TBC1D31: variants seen among roughly 807,000 people sequenced by gnomAD.
TBC1D31 encodes the protein WD repeat domain 67.
In TBC1D31, 99 loss-of-function variants were observed where a neutral mutation model predicts 132.9. The ratio of observed to expected loss-of-function variants is 0.74; its 90% CI spans 0.63 to 0.88. The LOEUF (loss-of-function observed/expected upper bound fraction) is 0.88, where lower values mean the gene tolerates loss of function less well. Ranked by LOEUF, TBC1D31 falls within the 40% of genes least tolerant of loss-of-function variation. The pLI, the probability that TBC1D31 is intolerant of heterozygous loss-of-function variation, is 0.00. For missense variants in TBC1D31, 1,134 were observed against 1,256.6 expected (o/e 0.90, Z 1.48); for synonymous variants, 385 against 419.4 (o/e 0.92, Z 1.00).
At chr8:123,116,506 T>C (rs184645984) in intron 10 of TBC1D31, among the ~76,000 whole-genome samples, 15 of 152,290 alleles carry the variant, frequency 9.8e-5, no homozygotes, top group Non-Finnish European at 1.8e-4. Flanking sequence ...GAATCGATAG[T>C]GTTAGTTCTT....
downstream of TBC1D31, among the ~76,000 whole-genome samples, chr8:123,156,156 A>G (rs949617468): frequency 6.6e-6 from 1 of 152,118 alleles, no homozygotes; most frequent in Non-Finnish European, 1.5e-5. Flanking sequence ...AATTATCCCC[A>G]GGGGCCGGGC....
chr8:123,118,410 A>T (rs920169653), intron 10 of TBC1D31, among the ~76,000 whole-genome samples: 1 of 152,152 alleles, frequency 6.6e-6, no homozygotes, highest in Non-Finnish European at 1.5e-5. Context: ...ACAGAAAGTT[A>T]AAAAAAGGAA....
chr8:123,131,236 C>T (rs1313127026), intron 16 of TBC1D31, among the ~76,000 whole-genome samples: 9 of 151,404 alleles, frequency 5.9e-5, no homozygotes, highest in Admixed American at 3.9e-4. Context: ...TGGTGGCAGG[C>T]GCTTGTAATC....
chr8:123,103,617 T>A (rs1817656728), intron 7 of TBC1D31: 1 of 152,256 alleles, frequency 6.6e-6, no homozygotes, highest in Non-Finnish European at 1.5e-5. Flanking sequence ...GAGATGGTGT[T>A]TCACCATGTT....
rs554843562 is a variant in TBC1D31 at position 123,134,099 on chromosome 8, G to C, written c.2407-15G>C. 18 of 1,585,476 alleles carry C rather than the reference G, an allele frequency of 1.1e-5. No individual in the cohort carries two copies. The Admixed American group carries it at 2.8e-4, about 24-fold the overall frequency. ...AAATTCTTTTTGGTATTTACAGTTT[G>C]TTGTTTGGCCATAGGTATATATGAG... is the stretch of plus-strand genomic sequence containing the variant. On this transcript the variant is annotated splice_polypyrimidine_tract_variant and intron_variant, in intron 16 of 21. Coordinates refer to ENST00000287380, the MANE Select transcript of TBC1D31 (RefSeq NM_145647.4).
intron 7 of TBC1D31, chr8:123,103,560 T>C (rs2130429241): frequency 6.6e-6 from 1 of 152,408 alleles, no homozygotes. Flanking sequence ...GCAGCTGGGA[T>C]TACAGGCGCG....
At chr8:123,078,160 C>T (rs1454417614) in intron 2 of TBC1D31, among the ~76,000 whole-genome samples, 3 of 152,068 alleles carry the variant, frequency 2.0e-5, no homozygotes, top group Non-Finnish European at 2.9e-5. Context: ...ATTCATGCAG[C>T]GGGGCTAAGA....
chr8:123,095,376 G>A (rs1816748275), intron 5 of TBC1D31, among the ~76,000 whole-genome samples: 1 of 152,132 alleles, frequency 6.6e-6, no homozygotes, highest in African/African-American at 2.4e-5. Context: ...ACCTTCTATA[G>A]AAAGAAACTT....
chr8:123,129,334 G>A, intron 15 of TBC1D31, 116 bp downstream of exon 15: 1 of 630,626 alleles, frequency 1.6e-6, no homozygotes, highest in Non-Finnish European at 2.4e-6. Context: ...CCCAGCTGTA[G>A]CATTTCTATA....
intron 10 of TBC1D31, among the ~76,000 whole-genome samples, chr8:123,117,520 C>G (rs1254295216): frequency 1.3e-5 from 2 of 151,232 alleles, no homozygotes; most frequent in Non-Finnish European, 2.9e-5. Flanking sequence ...TTTGGGAGGC[C>G]GAGACGGGCG....
rs1206737826 is a variant in TBC1D31 at position 123,144,792 on chromosome 8, A to C, written c.2911A>C (p.Lys971Gln). ...KASALSDASR[K>Q]WFLKQEINAA... ...TTCTGCTCTTTCAGATGCGTCTAGA[A>C]AGTGGTTTTTAAAGCAAGAGATAAA... Residue 971 changes from lysine to glutamine, a missense_variant, in exon 20 of 22, where the codon AAG becomes CAG. Physicochemically the swap from Lys to Gln is moderately conservative, Grantham distance 53. Coordinates refer to ENST00000287380, the MANE Select transcript of TBC1D31 (RefSeq NM_145647.4). The C allele has an allele frequency of 6.2e-7, 1 of 1,613,894 alleles. No individual in the cohort carries two copies. Among genetic ancestry groups the C allele is most frequent in the Middle Eastern group, 1.7e-4 (1 of 6,060 alleles).
At chr8:123,075,435 G>T (rs975157204) in intron 1 of TBC1D31, among the ~76,000 whole-genome samples, 1 of 152,200 alleles carries the variant, frequency 6.6e-6, no homozygotes, top group Non-Finnish European at 1.5e-5. Context: ...AAGGTGCAGT[G>T]GCTCACGCCT....
intron 4 of TBC1D31, among the ~76,000 whole-genome samples, chr8:123,088,899 G>T (rs932338406): frequency 6.6e-6 from 1 of 151,584 alleles, no homozygotes; most frequent in Non-Finnish European, 1.5e-5. Flanking sequence ...CATCATTATT[G>T]TTTAATTTGT....
chr8:123,161,890 C>T, the TBC1D31 span, among the ~76,000 whole-genome samples: 2 of 151,572 alleles, frequency 1.3e-5, no homozygotes, highest in Non-Finnish European at 2.9e-5. Flanking sequence ...TGGTGGTGGG[C>T]GCCTGTGATC....
At position 123,151,989 on chromosome 8, in the gene TBC1D31, G is replaced by A. The variant is rs201571072; in HGVS notation, c.*50G>A. On this transcript the variant is annotated 3_prime_UTR_variant, in exon 22 of 22. Coordinates refer to ENST00000287380, the MANE Select transcript of TBC1D31 (RefSeq NM_145647.4). ...GAGAGAGAGACCTATTTTGCAATCAGTGACATTGATTTTTAGATTATTTAT... is the reference window on the plus strand; with the variant it reads ...GAGAGAGAGACCTATTTTGCAATCAATGACATTGATTTTTAGATTATTTAT... 5.7e-4 allele frequency: 779 copies of A among 1,366,452 alleles called. 4 individuals are homozygous for A. The Middle Eastern group carries it at 0.011, about 19-fold the overall frequency. 84.6% of individuals were successfully genotyped at this position (1,366,452 alleles called of 1,614,324 possible). A position where few individuals can be genotyped will look rare whatever the true frequency, so the allele number is the denominator to read the frequency against.
chr8:123,101,072 T>C (rs759220343), intron 7 of TBC1D31, 65 bp downstream of exon 7: 29 of 1,203,150 alleles, frequency 2.4e-5, no homozygotes, highest in Non-Finnish European at 3.4e-5. Context: ...TCATCAAGAA[T>C]AAAATCTTTA....
At chr8:123,100,129 C>A (rs1817238305) in intron 6 of TBC1D31, among the ~76,000 whole-genome samples, 1 of 152,068 alleles carries the variant, frequency 6.6e-6, no homozygotes, top group African/African-American at 2.4e-5. Context: ...CCTCTCTGTC[C>A]CCTGTATATG....
At chr8:123,076,771 TGTG>T (rs1478942484) in intron 1 of TBC1D31, among the ~76,000 whole-genome samples, 2 of 152,240 alleles carry the variant, frequency 1.3e-5, no homozygotes, top group African/African-American at 2.4e-5. Flanking sequence ...TCTGTTTATA[TGTG>T]TGTTTATTTT....
intron 5 of TBC1D31, 27 bp downstream of exon 5, chr8:123,093,769 A>T: frequency 7.3e-7 from 1 of 1,364,082 alleles, no homozygotes; most frequent in Non-Finnish European, 9.7e-7. Context: ...GACACTAGGA[A>T]TATTTAAGAA....
Sources: gnomAD v4.1 joint callset for allele counts (sites outside exome capture counted in the v4.1 genomes callset) on GRCh38, gnomAD v4.1.1 for gene constraint, MANE v1.5 for transcripts, NCBI Gene and HGNC (gene_info 2026-07-23, HGNC 2026-07-21) for gene names.